Variants in PKDREJ observed in about 807,000 individuals in gnomAD.
PKDREJ encodes polycystin family receptor for egg jelly, also known as PKD and REJ homolog.
For synonymous variants in PKDREJ, 1,031 were observed against 1,095.5 expected (o/e 0.94, Z 1.16); for missense variants, 2,507 against 2,807.2 (o/e 0.89, Z 2.42).
Position 46,260,267 on chromosome 22 carries a change from A to C in PKDREJ, c.3056T>G (p.Ile1019Ser). The C allele has an allele frequency of 6.2e-7, 1 of 1,614,176 alleles. No individual in the cohort carries two copies. The highest frequency in any genetic ancestry group is 8.5e-7 in the Non-Finnish European group (1 of 1,180,040). ...FTVLVYTGSQ[I>S]TPTALVATFL... ...GGTGGCGACCAGCGCTGTGGGAGTG[A>C]TCTGACTGCCTGTGTACACCAACAC... Residue 1019 changes from isoleucine (I) to serine (S), a missense_variant, in exon 1 of 1, where the codon ATC becomes AGC. Ile to Ser is a moderately radical substitution (Grantham distance 142). Transcript: ENST00000253255. This position sits in a 1 kb window ranked among gnomAD's most constrained non-coding sequence, Gnocchi z 4.5.
Position 46,256,963 on chromosome 22 carries a change from G to C in PKDREJ, c.6360C>G (p.Asn2120Lys). ...ATACTGTCTGAGTGGAATGAATCAA[G>C]TTACTGTAGTTCCATTCATGCTGAC... The part of the protein sequence containing the change: ...VFGQHEWNYS[N>K]LIHSTQTVFS... Residue 2120 changes from asparagine to lysine, a missense_variant, in exon 1 of 1, where the codon AAC becomes AAG. Asn to Lys is a moderately conservative substitution (Grantham distance 94). Coordinates refer to ENST00000253255, the MANE Select transcript of PKDREJ (RefSeq NM_006071.2). The surrounding 1 kb of genome is among the most constrained non-coding windows in gnomAD (Gnocchi z 5.3). The C allele has an allele frequency of 6.2e-7, 1 of 1,613,976 alleles. No individual in the cohort carries two copies. The highest frequency in any genetic ancestry group is 2.2e-5 in the East Asian group (1 of 44,892).
At position 46,258,902 on chromosome 22, in the gene PKDREJ, C is replaced by T. The variant is rs1411155240; in HGVS notation, c.4421G>A (p.Ser1474Asn). Residue 1474 changes from serine to asparagine, a missense_variant, in exon 1 of 1, where the codon AGT becomes AAT. By Grantham distance (46) the Ser-to-Asn change is conservative (BLOSUM62 1). Transcript: ENST00000253255. The surrounding 1 kb of genome is among the most constrained non-coding windows in gnomAD (Gnocchi z 6.1). ...PQKHPLMSEASEHWEEYLRKW... is the reference protein window; with the variant it reads ...PQKHPLMSEANEHWEEYLRKW... ...TCTCAAGTATTCTTCCCAGTGCTCA[C>T]TTGCTTCTGACATTAGAGGATGCTT... The T allele has an allele frequency of 4.3e-6, 7 of 1,614,184 alleles. No homozygotes were observed. Among genetic ancestry groups the T allele is most frequent in the Non-Finnish European group, 5.1e-6 (6 of 1,180,026 alleles).
In PKDREJ at chr22:46,259,770, C is replaced by T. The variant is rs764358942; in HGVS notation, c.3553G>A (p.Val1185Met). 24 of 1,614,108 alleles carry T rather than the reference C, an allele frequency of 1.5e-5. No homozygotes were observed. Among genetic ancestry groups the T allele is most frequent in the Admixed American group, 6.7e-5 (4 of 60,018 alleles). The change falls in exon 1 of 1, where the codon GTG (valine) becomes ATG (methionine). Residue 1185 changes from valine (V) to methionine (M), a missense_variant. Physicochemically the swap from Val to Met is conservative, Grantham distance 21. Transcript: ENST00000253255. This position sits in a 1 kb window ranked among gnomAD's most constrained non-coding sequence, Gnocchi z 6.8. Reference sequence around the variant, plus strand: ...ATGAAAAGCACAGTGAAGAGGGTCACGGGGTTTTGGTGAAGGCTCTTGATG... The same window carrying T: ...ATGAAAAGCACAGTGAAGAGGGTCATGGGGTTTTGGTGAAGGCTCTTGATG... Reference protein sequence around the residue: ...NIIKSLHQNPVTLFTVLFIIL... With the variant: ...NIIKSLHQNPMTLFTVLFIIL...
Position 46,257,103 on chromosome 22 carries a change from C to T in PKDREJ, c.6220G>A (p.Asp2074Asn), listed in dbSNP as rs780560343. The change falls in exon 1 of 1, where the codon GAT becomes AAT. Residue 2074 changes from aspartate to asparagine, a missense_variant. Coordinates refer to ENST00000253255, the MANE Select transcript of PKDREJ (RefSeq NM_006071.2). The surrounding 1 kb of genome is among the most constrained non-coding windows in gnomAD (Gnocchi z 4.7). ...ATGGCCCTCTGAGCCAGGCGCACAT[C>T]GTAGAAGAATCTGGAATACCTGAGG... ...KTLRYSRFFY[D>N]VRLAQRAIQA... 2.3e-5 allele frequency: 37 copies of T among 1,613,756 alleles called. No individual in the cohort carries two copies. Among genetic ancestry groups the T allele is most frequent in the South Asian group, 1.8e-4 (16 of 91,082 alleles).
At position 46,256,417 on chromosome 22, in the gene PKDREJ, G is replaced by T. The variant is rs1435952133; in HGVS notation, c.*144C>A. On this transcript the variant is annotated 3_prime_UTR_variant, in exon 1 of 1. Coordinates refer to ENST00000253255, the MANE Select transcript of PKDREJ (RefSeq NM_006071.2). This position sits in a 1 kb window ranked among gnomAD's most constrained non-coding sequence, Gnocchi z 5.3. Reference sequence around the variant, plus strand: ...CCCAAGAGCAGAGGACAAGATTGGGGATTCTTCCAAATGTAGGGGATGTGC... The same window carrying T: ...CCCAAGAGCAGAGGACAAGATTGGGTATTCTTCCAAATGTAGGGGATGTGC... The T allele has an allele frequency of 2.1e-6, 3 of 1,397,718 alleles. No individual in the cohort carries two copies. The highest frequency in any genetic ancestry group is 4.7e-5 in the Admixed American group (2 of 43,006). 86.6% of individuals were successfully genotyped at this position (1,397,718 alleles called of 1,614,324 possible).
In PKDREJ at chr22:46,259,178, T is replaced by C; in HGVS notation, c.4145A>G (p.Lys1382Arg). ...WFSIFASVVA[K>R]TFNRLQRLSC... ...CAATCTCTGGAGCCTATTGAATGTT[T>C]TAGCAACAACACTAGCAAAAATAGA... The change falls in exon 1 of 1, where the codon AAA (lysine) becomes AGA (arginine). Residue 1382 changes from lysine to arginine, a missense_variant. By Grantham distance (26) the Lys-to-Arg change is conservative (BLOSUM62 2). Coordinates refer to ENST00000253255, the MANE Select transcript of PKDREJ (RefSeq NM_006071.2). This position sits in a 1 kb window ranked among gnomAD's most constrained non-coding sequence, Gnocchi z 6.8. The C allele has an allele frequency of 6.2e-7, 1 of 1,614,076 alleles. No individual in the cohort carries two copies. The highest frequency in any genetic ancestry group is 8.5e-7 in the Non-Finnish European group (1 of 1,179,986).
rs200129325 is a variant in PKDREJ, at chr22:46,261,633, C to G, written c.1690G>C (p.Gly564Arg). The change falls in exon 1 of 1, where the codon GGA (glycine) becomes CGA (arginine). Residue 564 changes from glycine to arginine, a missense_variant. Gly to Arg is a moderately radical substitution (Grantham distance 125, BLOSUM62 -2). Transcript: ENST00000253255. This position sits in a 1 kb window ranked among gnomAD's most constrained non-coding sequence, Gnocchi z 7.1. ...TTAGCTGGATTAATTTTGCATTCTC[C>G]GATCTGAGGGCCATGGTTAATAATA... Reference protein sequence around the residue: ...SFIINHGPQIGECKINPAKGI... With the variant: ...SFIINHGPQIRECKINPAKGI... 4 of 1,613,878 alleles carry G rather than the reference C, an allele frequency of 2.5e-6. No individual in the cohort carries two copies. Among genetic ancestry groups the G allele is most frequent in the Non-Finnish European group, 3.4e-6 (4 of 1,179,876 alleles).
At position 46,262,701 on chromosome 22, in the gene PKDREJ, C is replaced by A; in HGVS notation, c.622G>T (p.Val208Leu). 6.2e-7 allele frequency: 1 copy of A among 1,612,812 alleles called. No homozygotes were observed. Among genetic ancestry groups the A allele is most frequent in the South Asian group, 1.1e-5 (1 of 91,046 alleles). The change falls in exon 1 of 1, where the codon GTG (valine) becomes TTG (leucine). Residue 208 changes from valine to leucine, a missense_variant. Transcript: ENST00000253255. The surrounding 1 kb of genome is among the most constrained non-coding windows in gnomAD (Gnocchi z 8.1). ...ACGCAGGCGTTTATCTGACAGGACA[C>A]GGACGACTCGACGGCTCTGTGGCTG... ...SSSHRAVESS[V>L]SCQINACVIQ...
Position 46,257,019 on chromosome 22 carries a change from C to T in PKDREJ, c.6304G>A (p.Val2102Ile), listed in dbSNP as rs889523403. Residue 2102 changes from valine to isoleucine, a missense_variant, in exon 1 of 1, where the codon GTA becomes ATA. By Grantham distance (29) the Val-to-Ile change is conservative (BLOSUM62 3). Coordinates refer to ENST00000253255, the MANE Select transcript of PKDREJ (RefSeq NM_006071.2). This position sits in a 1 kb window ranked among gnomAD's most constrained non-coding sequence, Gnocchi z 4.7. ...ACCAGGTAACCAAAAGCCATGTATA[C>T]GAAGAAATACACGGACACAACAAAT... is the stretch of plus-strand genomic sequence containing the variant. ...MAFVVSVYFF[V>I]YMAFGYLVFG... 40 of 1,613,788 alleles carry T rather than the reference C, an allele frequency of 2.5e-5. No homozygotes were observed. Among genetic ancestry groups the T allele is most frequent in the Non-Finnish European group, 2.9e-5 (34 of 1,179,982 alleles).
Position 46,262,678 on chromosome 22 carries a change from G to C in PKDREJ, c.645C>G (p.Cys215Trp), listed in dbSNP as rs1178505609. 4 of 1,613,096 alleles carry C rather than the reference G, an allele frequency of 2.5e-6. No individual in the cohort carries two copies. Among genetic ancestry groups the C allele is most frequent in the African/African-American group, 2.7e-5 (2 of 74,922 alleles). ...ESSVSCQINA[C>W]VIQRVRINTD... ...TGTTGATCCTCACGCGCTGGATGACGCAGGCGTTTATCTGACAGGACACGG... is the reference window on the plus strand; with the variant it reads ...TGTTGATCCTCACGCGCTGGATGACCCAGGCGTTTATCTGACAGGACACGG... The change falls in exon 1 of 1, where the codon TGC becomes TGG. Residue 215 changes from cysteine to tryptophan, a missense_variant. Transcript: ENST00000253255. This position sits in a 1 kb window ranked among gnomAD's most constrained non-coding sequence, Gnocchi z 8.1.
At position 46,259,249 on chromosome 22, in the gene PKDREJ, G is replaced by T; in HGVS notation, c.4074C>A (p.Phe1358Leu). ...GGAGATTACTACTCACATCTATAAAGAAAAAGTCTTTTCTAGTCAGACGCT... is the reference window on the plus strand; with the variant it reads ...GGAGATTACTACTCACATCTATAAATAAAAAGTCTTTTCTAGTCAGACGCT... The part of the protein sequence containing the change: ...PDERLTRKDF[F>L]FIDVSSNLRK... Residue 1358 changes from phenylalanine to leucine, a missense_variant, in exon 1 of 1, where the codon TTC becomes TTA. By Grantham distance (22) the Phe-to-Leu change is conservative. Transcript: ENST00000253255. The surrounding 1 kb of genome is among the most constrained non-coding windows in gnomAD (Gnocchi z 6.8). 5 of 1,613,902 alleles carry T rather than the reference G, an allele frequency of 3.1e-6. No individual in the cohort carries two copies. Among genetic ancestry groups the T allele is most frequent in the Non-Finnish European group, 4.2e-6 (5 of 1,179,966 alleles).
rs74610409 is a variant in PKDREJ at position 46,257,884 on chromosome 22, C to T, written c.5439G>A (p.Val1813=). The T allele has an allele frequency of 3.1e-6, 5 of 1,614,140 alleles. No individual in the cohort carries two copies. The African/African-American group carries it at 6.7e-5, about 22-fold the overall frequency. ...EKMCLPAEKF[V]QNSIRREIHC... is the part of the protein sequence containing the mutation. ...GAATTTCTCTTCTGATGCTGTTTTG[C>T]ACAAACTTTTCGGCAGGTAGACACA... Residue 1813 remains valine (V), a synonymous_variant, in exon 1 of 1, where the codon GTG becomes GTA. Coordinates refer to ENST00000253255, the MANE Select transcript of PKDREJ (RefSeq NM_006071.2). The surrounding 1 kb of genome is among the most constrained non-coding windows in gnomAD (Gnocchi z 4.7).
In PKDREJ at chr22:46,261,776, T is replaced by G. The variant is rs1936699092; in HGVS notation, c.1547A>C (p.Asn516Thr). ...AGCTTTTATAGACAGATAAGCACCA[T>G]TCCTTCCTGTTACAGTTTCCCCCAT... ...DWMGETVTGRNGAYLSIKAFA... is the reference protein window; with the variant it reads ...DWMGETVTGRTGAYLSIKAFA... The change falls in exon 1 of 1, where the codon AAT becomes ACT. Residue 516 changes from asparagine to threonine, a missense_variant. Coordinates refer to ENST00000253255, the MANE Select transcript of PKDREJ (RefSeq NM_006071.2). This position sits in a 1 kb window ranked among gnomAD's most constrained non-coding sequence, Gnocchi z 7.1. 1.2e-6 allele frequency: 2 copies of G among 1,614,044 alleles called. No homozygotes were observed. The highest frequency in any genetic ancestry group is 2.7e-5 in the African/African-American group (2 of 75,046).
Position 46,256,070 on chromosome 22 carries a change from G to A in PKDREJ, c.*491C>T, listed in dbSNP as rs952054046. 1.3e-5 allele frequency: 2 copies of A among 154,094 alleles called. No homozygotes were observed. 9.5% of individuals were successfully genotyped at this position (154,094 alleles called of 1,614,324 possible). A position where few individuals can be genotyped will look rare whatever the true frequency, so the allele number is the denominator to read the frequency against. ...CCTAAGCCCAGGGGGAACAAGAGGA[G>A]GGGAGCCCTGGTCTACAAAGGGGCC... On this transcript the variant is annotated 3_prime_UTR_variant, in exon 1 of 1. Transcript: ENST00000253255. The surrounding 1 kb of genome is among the most constrained non-coding windows in gnomAD (Gnocchi z 5.3).
chr22:46,263,224 G>C lies in PKDREJ; in HGVS notation c.99C>G (p.Ala33=). 7.0e-7 allele frequency: 1 copy of C among 1,434,154 alleles called. No individual in the cohort carries two copies. Among genetic ancestry groups the C allele is most frequent in the Non-Finnish European group, 9.1e-7 (1 of 1,098,624 alleles). The allele number at this position is 1,434,154 out of a possible 1,614,324, so 88.8% of individuals were successfully genotyped here. The change falls in exon 1 of 1, where the codon GCC becomes GCG. Residue 33 remains alanine, a synonymous_variant. Coordinates refer to ENST00000253255, the MANE Select transcript of PKDREJ (RefSeq NM_006071.2). The surrounding 1 kb of genome is among the most constrained non-coding windows in gnomAD (Gnocchi z 9.4). ...GGAGGCCACCGGGCGCCCCGGAGAC[G>C]GCGGCTTGTGCCCCGCGAGGAACCG... The part of the protein sequence containing the change: ...LPPVPRGAQA[A]VSGAPGGLLR...
Position 46,260,232 on chromosome 22 carries a change from G to A in PKDREJ, c.3091C>T (p.Pro1031Ser), listed in dbSNP as rs751253018. 2 of 1,614,182 alleles carry A rather than the reference G, an allele frequency of 1.2e-6. No individual in the cohort carries two copies. The highest frequency in any genetic ancestry group is 1.7e-6 in the Non-Finnish European group (2 of 1,180,042). Residue 1031 changes from proline to serine, a missense_variant, in exon 1 of 1, where the codon CCT becomes TCT. Coordinates refer to ENST00000253255, the MANE Select transcript of PKDREJ (RefSeq NM_006071.2). The surrounding 1 kb of genome is among the most constrained non-coding windows in gnomAD (Gnocchi z 4.5). The stretch of plus-strand genomic sequence containing the variant: ...CTGGCAAATGGAGGGATGTCATGAG[G>A]CACCAGGAAGGTGGCGACCAGCGCT... Reference protein sequence around the residue: ...PTALVATFLVPHDIPPFASQS... With the variant: ...PTALVATFLVSHDIPPFASQS...
In PKDREJ at chr22:46,257,065, G is replaced by A; in HGVS notation, c.6258C>T (p.Leu2086=). ...RLAQRAIQAA[L]PGICHMAFVV... ...CAAATGCCATGTGGCAGATGCCAGGGAGGGCAGCCTGGATGGCCCTCTGAG... is the reference window on the plus strand; with the variant it reads ...CAAATGCCATGTGGCAGATGCCAGGAAGGGCAGCCTGGATGGCCCTCTGAG... Residue 2086 remains leucine (L), a synonymous_variant, in exon 1 of 1, where the codon CTC becomes CTT. Coordinates refer to ENST00000253255, the MANE Select transcript of PKDREJ (RefSeq NM_006071.2). The surrounding 1 kb of genome is among the most constrained non-coding windows in gnomAD (Gnocchi z 4.7). 6 of 1,613,974 alleles carry A rather than the reference G, an allele frequency of 3.7e-6. No individual in the cohort carries two copies. Among genetic ancestry groups the A allele is most frequent in the East Asian group, 2.2e-5 (1 of 44,886 alleles).
At position 46,260,253 on chromosome 22, in the gene PKDREJ, G is replaced by C. The variant is rs778363322; in HGVS notation, c.3070C>G (p.Leu1024Val). The C allele has an allele frequency of 1.2e-6, 2 of 1,614,034 alleles. No homozygotes were observed. Among genetic ancestry groups the C allele is most frequent in the Non-Finnish European group, 1.7e-6 (2 of 1,180,042 alleles). The change falls in exon 1 of 1, where the codon CTG becomes GTG. Residue 1024 changes from leucine (L) to valine (V), a missense_variant. Transcript: ENST00000253255. The surrounding 1 kb of genome is among the most constrained non-coding windows in gnomAD (Gnocchi z 4.5). ...YTGSQITPTA[L>V]VATFLVPHDI... ...TGAGGCACCAGGAAGGTGGCGACCA[G>C]CGCTGTGGGAGTGATCTGACTGCCT...
In PKDREJ at chr22:46,261,032, TG is replaced by T; in HGVS notation, c.2290del (p.Gln764ArgfsTer16). ...ATCCCAAGTGAATTCAGAGGGTTTCTGGGTTAATTTGGTAATAGTCATGACT... is the reference window on the plus strand; with the variant it reads ...ATCCCAAGTGAATTCAGAGGGTTTCTGGTTAATTTGGTAATAGTCATGACT... ...QVVMTITKLT[Q>X]KPSEFTWDAQ... On this transcript the variant is annotated frameshift_variant, in exon 1 of 1. Transcript: ENST00000253255. LOFTEE classifies it low-confidence loss of function (END_TRUNC). The surrounding 1 kb of genome is among the most constrained non-coding windows in gnomAD (Gnocchi z 7.1). 6.2e-7 allele frequency: 1 copy of T among 1,614,210 alleles called. No individual in the cohort carries two copies. The highest frequency in any genetic ancestry group is 8.5e-7 in the Non-Finnish European group (1 of 1,180,022).
Sources: allele counts gnomAD v4.1 joint callset, GRCh38; gene constraint gnomAD v4.1.1; non-coding constraint Gnocchi (gnomAD v3.1); transcripts MANE v1.5; gene names NCBI Gene and HGNC (gene_info 2026-07-23, HGNC 2026-07-21).